TIMP3: variants seen among roughly 807,000 people sequenced by gnomAD.
TIMP3 encodes the protein TIMP metallopeptidase inhibitor 3.
In TIMP3, 11 loss-of-function variants were observed where a neutral mutation model predicts 30.0. That is an observed-to-expected ratio of 0.37 (90% CI 0.23 to 0.61). TIMP3 has a LOEUF of 0.61. Among genes scored for constraint, TIMP3 ranks in the 20% least tolerant of loss-of-function variants. The pLI is 0.70. For missense variants in TIMP3, 181 were observed against 276.8 expected (o/e 0.65, Z 2.45); for synonymous variants, 112 against 111.3 (o/e 1.01, Z -0.04).
intron 1 of TIMP3, among the ~76,000 whole-genome samples, chr22:32,830,835 C>T (rs1471109579): frequency 1.3e-5 from 2 of 152,200 alleles, no homozygotes; most frequent in Non-Finnish European, 2.9e-5. Flanking sequence ...AAGGTGTTTC[C>T]TGCAAATCCT....
At chr22:32,857,821 G>A (rs2048414548) in intron 3 of TIMP3, among the ~76,000 whole-genome samples, 196 bp from the exon 4 acceptor site, 1 of 152,140 alleles carries the variant, frequency 6.6e-6, no homozygotes, top group Non-Finnish European at 1.5e-5. Flanking sequence ...ACCTCTCCAA[G>A]CCTCATTATC....
intron 1 of TIMP3, among the ~76,000 whole-genome samples, chr22:32,820,004 G>A (rs1040760431): frequency 2.0e-5 from 3 of 152,106 alleles, no homozygotes; most frequent in Non-Finnish European, 4.4e-5. Flanking sequence ...AGAGCCCAAG[G>A]GAATCAGGGC....
chr22:32,844,245 G>A (rs1345103026), intron 1 of TIMP3, among the ~76,000 whole-genome samples: 1 of 152,118 alleles, frequency 6.6e-6, no homozygotes, highest in Non-Finnish European at 1.5e-5. Flanking sequence ...GCAGCTCAAG[G>A]GTATCTTGCC....
rs1046364920 is a variant in TIMP3 at position 32,801,956 on chromosome 22, T to C, written c.-46T>C. On this transcript the variant is annotated 5_prime_UTR_variant, in exon 1 of 5. Coordinates refer to ENST00000266085, the MANE Select transcript of TIMP3 (RefSeq NM_000362.5). This position sits in a 1 kb window ranked among gnomAD's most constrained non-coding sequence, Gnocchi z 4.7. ...CCCCGCCGGCGGCGCGCACGGCAAC[T>C]TTGGAGAGGCGAGCAGCAGCCCCGG... The C allele has an allele frequency of 6.4e-7, 1 of 1,564,340 alleles. No homozygotes were observed. Among genetic ancestry groups the C allele is most frequent in the Non-Finnish European group, 8.6e-7 (1 of 1,163,990 alleles).
chr22:32,842,158 G>A (rs1417664597), intron 1 of TIMP3, among the ~76,000 whole-genome samples: 1 of 152,162 alleles, frequency 6.6e-6, no homozygotes, highest in Non-Finnish European at 1.5e-5. Context: ...GAGAAACAGG[G>A]CAGCGACTTC....
intron 4 of TIMP3, among the ~76,000 whole-genome samples, chr22:32,858,496 C>G (rs1199264122): frequency 2.0e-5 from 3 of 152,132 alleles, no homozygotes; most frequent in Non-Finnish European, 4.4e-5. Flanking sequence ...AGTGGGCTCA[C>G]CCTGGTAGCT....
intron 2 of TIMP3, among the ~76,000 whole-genome samples, chr22:32,855,110 C>T (rs897017080): frequency 6.6e-6 from 1 of 152,218 alleles, no homozygotes; most frequent in Non-Finnish European, 1.5e-5. Flanking sequence ...ACCCTTGGGA[C>T]AAGCCCAGAG....
chr22:32,834,327 T>TA (rs1555977065), intron 1 of TIMP3, among the ~76,000 whole-genome samples: 8 of 102,336 alleles, frequency 7.8e-5, no homozygotes, highest in Admixed American at 4.8e-4. Context: ...TAATTTATTT[T>TA]TTTTTTTGTA....
At position 32,859,504 on chromosome 22, in the gene TIMP3, T is replaced by A; in HGVS notation, c.*127T>A. 2.5e-6 allele frequency: 3 copies of A among 1,194,526 alleles called. No individual in the cohort carries two copies. Among genetic ancestry groups the A allele is most frequent in the Non-Finnish European group, 3.5e-6 (3 of 856,274 alleles). The allele number at this position is 1,194,526 out of a possible 1,614,324, so 74.0% of individuals were successfully genotyped here. A position where few individuals can be genotyped will look rare whatever the true frequency, so the allele number is the denominator to read the frequency against. ...TTGCAAATTTAGCACTTGGAACATT[T>A]AAAGAAAGGTCTATGCTGTCATATG... On this transcript the variant is annotated 3_prime_UTR_variant, in exon 5 of 5. Coordinates refer to ENST00000266085, the MANE Select transcript of TIMP3 (RefSeq NM_000362.5).
chr22:32,807,965 TACTG>T (rs1195144189), intron 1 of TIMP3, among the ~76,000 whole-genome samples: 4 of 152,174 alleles, frequency 2.6e-5, no homozygotes, highest in Non-Finnish European at 5.9e-5. Flanking sequence ...TTTATTGACT[TACTG>T]AGTGTTTTTT....
chr22:32,857,665 C>A (rs1306887404), intron 3 of TIMP3, among the ~76,000 whole-genome samples: 1 of 152,136 alleles, frequency 6.6e-6, no homozygotes. Context: ...ACCTGTTAGG[C>A]CCGTCTTTGA....
Position 32,861,575 on chromosome 22 carries a change from G to A in TIMP3, c.*2198G>A, listed in dbSNP as rs1244700317. 6.6e-6 allele frequency: 1 copy of A among 152,530 alleles called. No individual in the cohort carries two copies. Among genetic ancestry groups the A allele is most frequent in the East Asian group, 1.9e-4 (1 of 5,194 alleles). The allele number at this position is 152,530 out of a possible 1,614,324, so 9.4% of individuals were successfully genotyped here. A position where few individuals can be genotyped will look rare whatever the true frequency, so the allele number is the denominator to read the frequency against. On this transcript the variant is annotated 3_prime_UTR_variant, in exon 5 of 5. Transcript: ENST00000266085. ...AGGCATCTGGCCATTCGCACTCCCT[G>A]GTGTGGTCAGCCTCTCTCACACAAG...
At chr22:32,825,442 C>G (rs920405749) in intron 1 of TIMP3, among the ~76,000 whole-genome samples, 2 of 151,764 alleles carry the variant, frequency 1.3e-5, no homozygotes, top group African/African-American at 4.8e-5. Context: ...AGGTGGATCA[C>G]CAGGTCAGGA....
At chr22:32,826,465 A>G (rs2047416420) in intron 1 of TIMP3, among the ~76,000 whole-genome samples, 1 of 152,144 alleles carries the variant, frequency 6.6e-6, no homozygotes. Context: ...AAATTTAAAA[A>G]GGTAATAATG....
intron 1 of TIMP3, among the ~76,000 whole-genome samples, chr22:32,818,229 G>A (rs949705014): frequency 3.9e-5 from 6 of 152,212 alleles, no homozygotes; most frequent in Admixed American, 3.9e-4. Flanking sequence ...TTTTGCAGTA[G>A]TCTACAGGAT....
At chr22:32,839,201 A>G (rs1422392143) in intron 1 of TIMP3, among the ~76,000 whole-genome samples, 1 of 152,086 alleles carries the variant, frequency 6.6e-6, no homozygotes, top group Non-Finnish European at 1.5e-5. Context: ...GAAGAGCCAT[A>G]TATATGCCAC....
In TIMP3 at chr22:32,837,293, G is replaced by A. The variant is rs1324252414; in HGVS notation, c.122-12159G>A. 3.3e-5 allele frequency among the ~76,000 whole-genome samples: 5 copies of A among 152,304 alleles called. No individual in the cohort carries two copies. Among genetic ancestry groups the A allele is most frequent in the South Asian group, 2.1e-4 (1 of 4,822 alleles). On this transcript the variant is annotated intron_variant, in intron 1 of 4. Coordinates refer to ENST00000266085, the MANE Select transcript of TIMP3 (RefSeq NM_000362.5). The surrounding 1 kb of genome is among the most constrained non-coding windows in gnomAD (Gnocchi z 4.1). ...GGGATAAAGTTTCCCATGGGCCCCCGTGGAGAGGCTGGAGCACTCTCAGGG... is the reference window on the plus strand; with the variant it reads ...GGGATAAAGTTTCCCATGGGCCCCCATGGAGAGGCTGGAGCACTCTCAGGG...
chr22:32,852,143 C>A (rs558628251), intron 2 of TIMP3, among the ~76,000 whole-genome samples: 1 of 152,328 alleles, frequency 6.6e-6, no homozygotes, highest in South Asian at 2.1e-4. Flanking sequence ...ACACCTTGTC[C>A]TCTGTTTGAC....
At chr22:32,803,229 G>A (rs906979591) in intron 1 of TIMP3, among the ~76,000 whole-genome samples, 3 of 152,096 alleles carry the variant, frequency 2.0e-5, no homozygotes, top group Non-Finnish European at 4.4e-5. Flanking sequence ...TCGATTCAGA[G>A]GTGAAGAATG....
Sources: gnomAD v4.1 joint callset for allele counts (sites outside exome capture counted in the v4.1 genomes callset) on GRCh38, gnomAD v4.1.1 for gene constraint, Gnocchi (gnomAD v3.1) non-coding constraint, MANE v1.5 for transcripts, NCBI Gene and HGNC (gene_info 2026-07-23, HGNC 2026-07-21) for gene names.